MACROD2: variants seen among roughly 807,000 people sequenced by gnomAD.
MACROD2 encodes the protein mono-ADP ribosylhydrolase 2.
In MACROD2, 36 loss-of-function variants were observed where a neutral mutation model predicts 70.4. The ratio of observed to expected loss-of-function variants is 0.51; its 90% CI spans 0.39 to 0.68. The LOEUF is 0.68. MACROD2 is among the 30% of genes least tolerant of loss of function. The pLI, the probability that MACROD2 is intolerant of heterozygous loss-of-function variation, is 0.00. For missense variants in MACROD2, 496 were observed against 538.4 expected, an observed-to-expected ratio of 0.92 and a Z score of 0.78; for synonymous variants, 172 against 178.8, an observed-to-expected ratio of 0.96 and a Z score of 0.30.
At chr20:14,108,597 A>C (rs989950434) in intron 3 of MACROD2, among the ~76,000 whole-genome samples, 1 of 152,122 alleles carries the variant, frequency 6.6e-6, no homozygotes, top group Admixed American at 6.6e-5. Context: ...ATGGAAAGCA[A>C]AAAAGAGTAG....
At position 15,791,063 on chromosome 20, in the gene MACROD2, A is replaced by G. The variant is rs144926681; in HGVS notation, c.646-71682A>G. On this transcript the variant is annotated intron_variant, in intron 8 of 17. Coordinates refer to ENST00000684519, the MANE Select transcript of MACROD2 (RefSeq NM_001351661.2). ...TGCTTCATTTTTCAAAAGGTCTAAA[A>G]CTCACTGATCAATTCTACTATTATT... Among the ~76,000 whole-genome samples, 281 of 151,828 alleles carry G rather than the reference A, an allele frequency of 1.9e-3. 3 individuals carry two copies. The highest frequency in any genetic ancestry group is 6.3e-3 in the African/African-American group (262 of 41,502).
chr20:15,998,311 G>A (rs1004277034), intron 15 of MACROD2, among the ~76,000 whole-genome samples: 25 of 152,070 alleles, frequency 1.6e-4, no homozygotes, highest in African/African-American at 6.0e-4. Flanking sequence ...CTGGTTGTGG[G>A]CTTTTCTTTA....
chr20:14,840,201 C>T (rs2073072862), intron 5 of MACROD2, among the ~76,000 whole-genome samples: 1 of 151,942 alleles, frequency 6.6e-6, no homozygotes, highest in South Asian at 2.1e-4. Context: ...CCATGGCTGG[C>T]TAATTTTTGT....
At chr20:14,899,703 C>A (rs934029277) in intron 5 of MACROD2, among the ~76,000 whole-genome samples, 2 of 152,068 alleles carry the variant, frequency 1.3e-5, no homozygotes, top group Non-Finnish European at 2.9e-5. Context: ...TTCAACATAT[C>A]TTTTTTAGGG....
At chr20:15,798,956 A>G (rs752011890) in intron 8 of MACROD2, among the ~76,000 whole-genome samples, 1 of 152,228 alleles carries the variant, frequency 6.6e-6, no homozygotes, top group Admixed American at 6.5e-5. Context: ...ATGAAAACAA[A>G]TGAACAAAGA....
intron 6 of MACROD2, among the ~76,000 whole-genome samples, chr20:15,380,425 G>GT (rs11455793): frequency 0.47 from 69,093 of 147,534 alleles, 18,237 homozygotes; most frequent in African/African-American, 0.74. Context: ...CTTAGGGAAA[G>GT]TTTTTTTTTT....
chr20:16,029,750 G>A (rs142505617), intron 15 of MACROD2, among the ~76,000 whole-genome samples: 284 of 152,290 alleles, frequency 1.9e-3, no homozygotes, highest in African/African-American at 6.6e-3. Flanking sequence ...CTTTTACTCA[G>A]TCTTTCCCCA....
At chr20:15,386,073 T>C (rs1410774676) in intron 6 of MACROD2, among the ~76,000 whole-genome samples, 1 of 152,132 alleles carries the variant, frequency 6.6e-6, no homozygotes, top group African/African-American at 2.4e-5. Flanking sequence ...AGTGAAGACC[T>C]TACACAAGGA....
chr20:14,197,426 G>T (rs1170765325), intron 3 of MACROD2, among the ~76,000 whole-genome samples: 1 of 152,174 alleles, frequency 6.6e-6, no homozygotes, highest in African/African-American at 2.4e-5. Flanking sequence ...ACTTTCAACT[G>T]AAATTTTCTT....
At chr20:15,871,873 G>C (rs555996497) in intron 9 of MACROD2, among the ~76,000 whole-genome samples, 2 of 152,146 alleles carry the variant, frequency 1.3e-5, no homozygotes, top group Non-Finnish European at 2.9e-5. Context: ...TGAGAAATAG[G>C]ATAGATTCTA....
At chr20:15,772,101 A>AATATATATATATATAT (rs201468504) in intron 8 of MACROD2, among the ~76,000 whole-genome samples, 3 of 91,422 alleles carry the variant, frequency 3.3e-5, no homozygotes, top group East Asian at 1.0e-3. Context: ...AAAAAAAAAA[A>AATATATATATATATAT]ATATATATAT....
intron 5 of MACROD2, among the ~76,000 whole-genome samples, chr20:14,957,059 T>A (rs904599292): frequency 6.6e-6 from 1 of 152,194 alleles, no homozygotes; most frequent in African/African-American, 2.4e-5. Context: ...ATTCAGAGAC[T>A]GATTTTTTAA....
intron 5 of MACROD2, among the ~76,000 whole-genome samples, chr20:14,801,517 C>T (rs969834212): frequency 3.3e-5 from 5 of 152,056 alleles, no homozygotes; most frequent in Non-Finnish European, 5.9e-5. Flanking sequence ...TACATATTCT[C>T]ACACCAGGAG....
At chr20:15,277,484 T>A (rs557790683) in intron 6 of MACROD2, among the ~76,000 whole-genome samples, 2 of 152,322 alleles carry the variant, frequency 1.3e-5, no homozygotes, top group African/African-American at 4.8e-5. Flanking sequence ...CTTAAATAGG[T>A]TGCTATAACC....
At chr20:15,450,638 T>C (rs2046628355) in intron 7 of MACROD2, among the ~76,000 whole-genome samples, 1 of 152,178 alleles carries the variant, frequency 6.6e-6, no homozygotes, top group South Asian at 2.1e-4. Context: ...TTTATGACTT[T>C]CTTTTTAAAC....
rs73898351 is a variant in MACROD2, at chr20:16,044,867, T to C, written c.1300+228T>C. ...AGCTACAGCACATTCAAATCATGTATACCCTGGTTTTCTGTGCTTTGACAA... is the reference window on the plus strand; with the variant it reads ...AGCTACAGCACATTCAAATCATGTACACCCTGGTTTTCTGTGCTTTGACAA... On this transcript the variant is annotated intron_variant, in intron 17 of 17. Transcript: ENST00000684519. Among the ~76,000 whole-genome samples the C allele has an allele frequency of 2.3e-3, 355 of 152,302 alleles. 1 individual carries two copies. The highest frequency in any genetic ancestry group is 8.2e-3 in the African/African-American group (343 of 41,576).
intron 5 of MACROD2, among the ~76,000 whole-genome samples, chr20:14,813,523 G>A (rs1323846730): frequency 6.6e-6 from 1 of 151,996 alleles, no homozygotes; most frequent in Non-Finnish European, 1.5e-5. Flanking sequence ...TCCCTGCAAA[G>A]GGCATGATCT....
intron 5 of MACROD2, among the ~76,000 whole-genome samples, chr20:14,698,154 G>T (rs1422771816): frequency 6.6e-6 from 1 of 152,114 alleles, no homozygotes; most frequent in African/African-American, 2.4e-5. Flanking sequence ...CTTAAGTGAT[G>T]GAATGGGGAT....
At chr20:14,267,790 G>C (rs2082156024) in intron 3 of MACROD2, among the ~76,000 whole-genome samples, 1 of 151,994 alleles carries the variant, frequency 6.6e-6, no homozygotes, top group South Asian at 2.1e-4. Flanking sequence ...ACCTTTTGGG[G>C]AGAACTGATG....
Sources: gnomAD v4.1 joint callset for allele counts (sites outside exome capture counted in the v4.1 genomes callset) on GRCh38, gnomAD v4.1.1 for gene constraint, MANE v1.5 for transcripts, NCBI Gene and HGNC (gene_info 2026-07-23, HGNC 2026-07-21) for gene names.